Variants in DNER observed in about 807,000 individuals in gnomAD.
DNER encodes delta and Notch-like epidermal growth factor-related receptor.
DNER carries 33 observed loss-of-function variants against 78.2 expected under a neutral mutation model. The ratio of observed to expected loss-of-function variants is 0.42; its 90% CI spans 0.32 to 0.56. The LOEUF (loss-of-function observed/expected upper bound fraction) is 0.56, where lower values mean the gene tolerates loss of function less well. DNER is among the 20% of genes least tolerant of loss of function. The pLI, the probability that DNER is intolerant of heterozygous loss-of-function variation, is 0.11. For missense variants in DNER, 918 were observed against 975.3 expected (o/e 0.94, Z 0.78); for synonymous variants, 417 against 384.8 (o/e 1.08, Z -0.98).
chr2:229,517,868 C>T (rs1696012028), intron 5 of DNER, among the ~76,000 whole-genome samples: 1 of 152,160 alleles, frequency 6.6e-6, no homozygotes, highest in East Asian at 1.9e-4. Flanking sequence ...TGGTGCTGAG[C>T]TTGAGAAACC....
intron 1 of DNER, among the ~76,000 whole-genome samples, chr2:229,653,092 G>A (rs11901716): frequency 0.2 from 30,795 of 152,164 alleles, 3,527 homozygotes; most frequent in African/African-American, 0.3. Context: ...ATGAGGCTCA[G>A]TTTCCACTTG....
chr2:229,544,082 A>AG (rs899404253), intron 5 of DNER, among the ~76,000 whole-genome samples: 4 of 152,258 alleles, frequency 2.6e-5, no homozygotes, highest in African/African-American at 7.2e-5. Flanking sequence ...AAAAAAGAAA[A>AG]AAAATATGTT....
Position 229,358,270 on chromosome 2 carries a change from G to A in DNER, c.*270C>T, listed in dbSNP as rs957851311. On this transcript the variant is annotated 3_prime_UTR_variant, in exon 13 of 13. Coordinates refer to ENST00000341772, the MANE Select transcript of DNER (RefSeq NM_139072.4). ...AACCACAGAAATTAATCTGGGTCTCGTGATAGTGTCTACAGTGAAAAGAGC... is the reference window on the plus strand; with the variant it reads ...AACCACAGAAATTAATCTGGGTCTCATGATAGTGTCTACAGTGAAAAGAGC... 2 of 221,144 alleles carry A rather than the reference G, an allele frequency of 9.0e-6. No individual in the cohort carries two copies. Among genetic ancestry groups the A allele is most frequent in the Non-Finnish European group, 1.8e-5 (2 of 112,496 alleles). The allele number at this position is 221,144 out of a possible 1,614,324, so 13.7% of individuals were successfully genotyped here. A position where few individuals can be genotyped will look rare whatever the true frequency, so the allele number is the denominator to read the frequency against.
chr2:229,546,496 G>A (rs1483946473), intron 5 of DNER, among the ~76,000 whole-genome samples: 1 of 152,240 alleles, frequency 6.6e-6, no homozygotes, highest in East Asian at 1.9e-4. Flanking sequence ...AGCACTGTGG[G>A]AGGCCAAGGC....
intron 6 of DNER, among the ~76,000 whole-genome samples, chr2:229,506,521 C>CT (rs67766962): frequency 0.27 from 38,870 of 145,514 alleles, 5,766 homozygotes; most frequent in Non-Finnish European, 0.34. Flanking sequence ...CTTTTTTTTT[C>CT]TTTTTTTTTT....
At chr2:229,594,983 A>C (rs1697683132) in intron 1 of DNER, among the ~76,000 whole-genome samples, 2 of 91,838 alleles carry the variant, frequency 2.2e-5, no homozygotes, top group Admixed American at 2.5e-4. Flanking sequence ...AAAAAAAAAA[A>C]AAAAACTCTA....
chr2:229,499,672 G>A (rs1695573554), intron 6 of DNER, among the ~76,000 whole-genome samples: 1 of 150,170 alleles, frequency 6.7e-6, no homozygotes, highest in Non-Finnish European at 1.5e-5. Context: ...GATTTTTTTT[G>A]CATATAACCC....
intron 1 of DNER, among the ~76,000 whole-genome samples, chr2:229,643,395 A>G (rs1322918637): frequency 1.3e-5 from 2 of 152,200 alleles, no homozygotes; most frequent in Non-Finnish European, 2.9e-5. Flanking sequence ...GAAGTCTTGT[A>G]GTTTGGAAAG....
chr2:229,638,932 TC>T lies in DNER; in HGVS notation c.277-47045del, dbSNP rs1698569982. The stretch of plus-strand genomic sequence containing the variant: ...AGCCTCAAGGCCAGGTCTCCAGGCT[TC>T]TGCTCTGCTGCTTGAATCCAATGGG... On this transcript the variant is annotated intron_variant, in intron 1 of 12. Coordinates refer to ENST00000341772, the MANE Select transcript of DNER (RefSeq NM_139072.4). Among the ~76,000 whole-genome samples, 3 of 152,228 alleles carry T rather than the reference TC, an allele frequency of 2.0e-5. No individual in the cohort carries two copies. In the South Asian group the frequency reaches 6.2e-4, roughly 32 times the overall value.
intron 12 of DNER, among the ~76,000 whole-genome samples, chr2:229,360,378 A>T (rs1018042282): frequency 1.3e-5 from 2 of 152,182 alleles, no homozygotes; most frequent in Non-Finnish European, 2.9e-5. Context: ...TGAAAGGAAA[A>T]ACCCAATTGT....
intron 6 of DNER, among the ~76,000 whole-genome samples, chr2:229,496,414 A>G (rs1354384644): frequency 1.3e-5 from 2 of 152,216 alleles, no homozygotes; most frequent in Non-Finnish European, 2.9e-5. Context: ...GAAAACTAAA[A>G]GAGAAACTAT....
chr2:229,617,453 T>C (rs1314594471), intron 1 of DNER, among the ~76,000 whole-genome samples: 1 of 152,192 alleles, frequency 6.6e-6, no homozygotes, highest in East Asian at 1.9e-4. Context: ...GATACAACTG[T>C]TCTCAATAAC....
Position 229,565,501 on chromosome 2 carries a change from C to A in DNER, c.848-18409G>T, listed in dbSNP as rs572718170. ...TATGTGAATAAACAAGATATGGCTA[C>A]CATTCATAGGATTTGAAAGACTTTT... On this transcript the variant is annotated intron_variant, in intron 4 of 12. Transcript: ENST00000341772. Among the ~76,000 whole-genome samples the A allele has an allele frequency of 2.2e-4, 34 of 152,230 alleles. 1 individual carries two copies. In the South Asian group the frequency reaches 6.5e-3, roughly 29 times the overall value.
chr2:229,414,649 CACTTT>C lies in DNER; in HGVS notation c.1609+3454_1609+3458del, dbSNP rs767879568. Among the ~76,000 whole-genome samples the C allele has an allele frequency of 8.4e-4, 128 of 152,258 alleles. 1 individual carries two copies. The highest frequency in any genetic ancestry group is 4.7e-4 in the Non-Finnish European group (32 of 68,014). ...GGCTTTGTTTTAAATAATATGAAACCACTTTACTTGTTGAAATTTTTCCTTAAGAG... is the reference window on the plus strand; with the variant it reads ...GGCTTTGTTTTAAATAATATGAAACCACTTGTTGAAATTTTTCCTTAAGAG... On this transcript the variant is annotated intron_variant, in intron 9 of 12. Coordinates refer to ENST00000341772, the MANE Select transcript of DNER (RefSeq NM_139072.4).
intron 11 of DNER, among the ~76,000 whole-genome samples, chr2:229,384,378 A>G (rs1692815288): frequency 6.6e-6 from 1 of 152,228 alleles, no homozygotes. Flanking sequence ...AACAAATTCA[A>G]AAGCTAGCAG....
chr2:229,392,329 T>C (rs1255038483), intron 10 of DNER, among the ~76,000 whole-genome samples: 2 of 150,670 alleles, frequency 1.3e-5, no homozygotes, highest in Non-Finnish European at 3.0e-5. Context: ...ATGACTGTGA[T>C]TGCTGCAAGA....
chr2:229,434,009 T>C (rs1694069517), intron 8 of DNER, among the ~76,000 whole-genome samples: 1 of 152,158 alleles, frequency 6.6e-6, no homozygotes, highest in South Asian at 2.1e-4. Flanking sequence ...AAACCAAAAA[T>C]TGGGAACCAT....
At chr2:229,476,921 C>T (rs1327179220) in intron 7 of DNER, among the ~76,000 whole-genome samples, 1 of 151,600 alleles carries the variant, frequency 6.6e-6, no homozygotes, top group Non-Finnish European at 1.5e-5. Context: ...TAAATAAAAT[C>T]ACAGAAAGTC....
chr2:229,546,138 C>G (rs1052119403), intron 5 of DNER, among the ~76,000 whole-genome samples: 5 of 152,230 alleles, frequency 3.3e-5, no homozygotes, highest in African/African-American at 1.2e-4. Flanking sequence ...ATGTTGCATA[C>G]TGGCATATAA....
Sources: allele counts gnomAD v4.1 joint callset (sites outside exome capture counted in the v4.1 genomes callset), GRCh38; gene constraint gnomAD v4.1.1; transcripts MANE v1.5; gene names NCBI Gene and HGNC (gene_info 2026-07-23, HGNC 2026-07-21).